Variants in PAICS observed in about 807,000 individuals in gnomAD.
The protein encoded by PAICS is bifunctional phosphoribosylaminoimidazole carboxylase/phosphoribosylaminoimidazole succinocarboxamide synthetase.
Under a neutral mutation model 53.7 loss-of-function variants are expected in PAICS, and 33 were observed. The ratio of observed to expected loss-of-function variants is 0.61; its 90% CI spans 0.47 to 0.82. The LOEUF is 0.82. Ranked by LOEUF, PAICS falls within the 40% of genes least tolerant of loss-of-function variation. The pLI is 0.00. For synonymous variants in PAICS, 141 were observed against 167.2 expected, an observed-to-expected ratio of 0.84 and a Z score of 1.21; for missense variants, 394 against 494.1, an observed-to-expected ratio of 0.80 and a Z score of 1.92.
chr4:56,444,604 T>C (rs1479223678), intron 2 of PAICS, among the ~76,000 whole-genome samples: 1 of 152,198 alleles, frequency 6.6e-6, no homozygotes, highest in Non-Finnish European at 1.5e-5. Flanking sequence ...TTGAGCTTTG[T>C]AGACAACTAA....
chr4:56,444,849 T>A (rs555458891), intron 2 of PAICS, among the ~76,000 whole-genome samples: 83 of 152,220 alleles, frequency 5.5e-4, no homozygotes, highest in South Asian at 5.4e-3. Context: ...ACAATAAAAT[T>A]GGATACTACT....
the PAICS span, among the ~76,000 whole-genome samples, chr4:56,428,096 T>C: frequency 5.9e-5 from 9 of 152,242 alleles, no homozygotes; most frequent in South Asian, 2.1e-4. Flanking sequence ...AATATACTGT[T>C]TGAATATGGA....
chr4:56,437,986 C>A (rs1193922961), intron 1 of PAICS, among the ~76,000 whole-genome samples: 1 of 152,056 alleles, frequency 6.6e-6, no homozygotes, highest in African/African-American at 2.4e-5. Context: ...TCTTCCACTT[C>A]TTTCCATTTG....
chr4:56,418,849 C>T, the PAICS span, among the ~76,000 whole-genome samples: 1 of 152,206 alleles, frequency 6.6e-6, no homozygotes, highest in Admixed American at 6.5e-5. Context: ...AGACCTAATA[C>T]ACACCATGGC....
rs753368686 is a variant in PAICS, at chr4:56,460,729, G to A, written c.*1191G>A. 6.6e-6 allele frequency: 1 copy of A among 152,232 alleles called. No individual in the cohort carries two copies. Among genetic ancestry groups the A allele is most frequent in the Non-Finnish European group, 1.5e-5 (1 of 68,092 alleles). 9.4% of individuals were successfully genotyped at this position (152,232 alleles called of 1,614,324 possible). A position where few individuals can be genotyped will look rare whatever the true frequency, so the allele number is the denominator to read the frequency against. On this transcript the variant is annotated 3_prime_UTR_variant, in exon 9 of 9. Transcript: ENST00000512576. The stretch of plus-strand genomic sequence containing the variant: ...CTCACACCTACGATCACAGCACTTC[G>A]GGAGGCTGAAGCAAGCAGATCACTT...
the PAICS span, chr4:56,429,006 G>GCT: frequency 1.0e-6 from 1 of 961,588 alleles, no homozygotes; most frequent in Non-Finnish European, 1.2e-6. Context: ...CATGAAGATG[G>GCT]TAAGAGCCAG....
the PAICS span, chr4:56,425,385 GAGA>G: frequency 2.3e-6 from 2 of 855,440 alleles, no homozygotes. Context: ...CATCCAGATA[GAGA>G]AGAACTTATT....
chr4:56,419,781 A>G, the PAICS span: 1 of 984,834 alleles, frequency 1.0e-6, no homozygotes, highest in Non-Finnish European at 1.2e-6. Context: ...AAATAAGAGG[A>G]TATTTCAACA....
chr4:56,459,350 C>G (rs1233091903), intron 8 of PAICS, 22 bp from the exon 9 acceptor site: 10 of 1,507,958 alleles, frequency 6.6e-6, no homozygotes, highest in Non-Finnish European at 8.9e-6. Context: ...AATTTTCTGT[C>G]TTTTCCTTGC....
chr4:56,411,262 A>G, the PAICS span, among the ~76,000 whole-genome samples: 1 of 152,228 alleles, frequency 6.6e-6, no homozygotes, highest in African/African-American at 2.4e-5. Flanking sequence ...AAAAATATCA[A>G]AAACATTGCT....
chr4:56,421,522 G>A, the PAICS span: 1 of 152,222 alleles, frequency 6.6e-6, no homozygotes, highest in African/African-American at 2.4e-5. Flanking sequence ...AAATTGGGGG[G>A]TGTGGACAAG....
chr4:56,426,031 CTG>C, the PAICS span, among the ~76,000 whole-genome samples: 2 of 152,190 alleles, frequency 1.3e-5, no homozygotes, highest in African/African-American at 2.4e-5. Context: ...AAGCGTATAA[CTG>C]TGGTTTTTAG....
At chr4:56,428,813 C>T in the PAICS span, 1 of 161,692 alleles carries the variant, frequency 6.2e-6, no homozygotes, top group African/African-American at 2.4e-5. Context: ...ATTCCTAATT[C>T]TTAACTCATT....
the PAICS span, among the ~76,000 whole-genome samples, chr4:56,411,451 T>C: frequency 5.9e-5 from 9 of 152,328 alleles, no homozygotes; most frequent in African/African-American, 2.2e-4. Context: ...AACAATGAAG[T>C]ATAATGAAGA....
chr4:56,435,758 C>A, upstream of PAICS: 1 of 1,493,476 alleles, frequency 6.7e-7, no homozygotes. Flanking sequence ...AGCTAGCCTT[C>A]CCCTAAGAGC....
chr4:56,443,438 T>G (rs1428696565), intron 2 of PAICS, among the ~76,000 whole-genome samples: 1 of 152,216 alleles, frequency 6.6e-6, no homozygotes, highest in East Asian at 1.9e-4. Flanking sequence ...TCCACCCGCA[T>G]TGGCCTCCCA....
intron 2 of PAICS, among the ~76,000 whole-genome samples, chr4:56,445,713 T>G (rs1718582688): frequency 6.6e-6 from 1 of 152,198 alleles, no homozygotes; most frequent in Non-Finnish European, 1.5e-5. Context: ...GATACACATA[T>G]AACAGCAAAG....
intron 1 of PAICS, among the ~76,000 whole-genome samples, chr4:56,437,560 G>A (rs1718081304): frequency 6.6e-6 from 1 of 151,722 alleles, no homozygotes; most frequent in Non-Finnish European, 1.5e-5. Context: ...TGTGGCTCAC[G>A]CCTGTAATCC....
upstream of PAICS, chr4:56,431,316 TA>T: frequency 3.0e-6 from 1 of 334,454 alleles, no homozygotes; most frequent in Non-Finnish European, 4.3e-6. Context: ...TCCACAAAAC[TA>T]AATGAAGATT....
Sources: gnomAD v4.1 joint callset for allele counts (sites outside exome capture counted in the v4.1 genomes callset) on GRCh38, gnomAD v4.1.1 for gene constraint, MANE v1.5 for transcripts, NCBI Gene and HGNC (gene_info 2026-07-23, HGNC 2026-07-21) for gene names.